RABGAP1L: variants seen among roughly 807,000 people sequenced by gnomAD.
RABGAP1L encodes the protein RAB GTPase activating protein 1 like.
RABGAP1L carries 63 observed loss-of-function variants against 137.7 expected under a neutral mutation model. That is an observed-to-expected ratio of 0.46 (90% CI 0.37 to 0.56). The LOEUF (loss-of-function observed/expected upper bound fraction) is 0.56. Ranked by LOEUF, RABGAP1L falls within the 20% of genes least tolerant of loss-of-function variation. The pLI is 0.00. For missense variants in RABGAP1L, 1,095 were observed against 1,244.0 expected, an observed-to-expected ratio of 0.88 and a Z score of 1.80; for synonymous variants, 431 against 433.7, an observed-to-expected ratio of 0.99 and a Z score of 0.08.
At chr1:174,483,035 C>A (rs1470485923) in intron 13 of RABGAP1L, among the ~76,000 whole-genome samples, 1 of 152,024 alleles carries the variant, frequency 6.6e-6, no homozygotes, top group Non-Finnish European at 1.5e-5. Flanking sequence ...TTATGGATTA[C>A]ATGAGATATT....
chr1:174,289,370 G>T (rs1676367932), intron 10 of RABGAP1L, among the ~76,000 whole-genome samples: 1 of 152,114 alleles, frequency 6.6e-6, no homozygotes, highest in African/African-American at 2.4e-5. Context: ...TTATTACTTT[G>T]TTGAACTTAT....
At chr1:174,570,680 A>G (rs1383506333) in intron 13 of RABGAP1L, among the ~76,000 whole-genome samples, 1 of 152,158 alleles carries the variant, frequency 6.6e-6, no homozygotes, top group Non-Finnish European at 1.5e-5. Flanking sequence ...AAAAGTTGAA[A>G]TTATAAAAAA....
chr1:174,559,887 G>C (rs1667097377), intron 13 of RABGAP1L, among the ~76,000 whole-genome samples: 1 of 152,192 alleles, frequency 6.6e-6, no homozygotes, highest in Non-Finnish European at 1.5e-5. Context: ...TGTAATCTCA[G>C]CACTTTGGGA....
intron 13 of RABGAP1L, among the ~76,000 whole-genome samples, chr1:174,503,470 G>T (rs771289809): frequency 5.3e-5 from 8 of 151,936 alleles, no homozygotes; most frequent in Non-Finnish European, 7.4e-5. Flanking sequence ...GACCATCTTG[G>T]CTAACACAGT....
At chr1:174,905,117 C>A (rs1658827405) in intron 19 of RABGAP1L, among the ~76,000 whole-genome samples, 1 of 152,056 alleles carries the variant, frequency 6.6e-6, no homozygotes, top group South Asian at 2.1e-4. Flanking sequence ...AGGAAGTGAC[C>A]TAGTAGTAAA....
chr1:174,585,579 T>G (rs1269713104), intron 13 of RABGAP1L, among the ~76,000 whole-genome samples: 1 of 152,250 alleles, frequency 6.6e-6, no homozygotes, highest in Non-Finnish European at 1.5e-5. Flanking sequence ...ATTTTTCCCA[T>G]TATGAGTACT....
At chr1:174,162,676 C>G (rs1018484854) in intron 1 of RABGAP1L, among the ~76,000 whole-genome samples, 1 of 145,016 alleles carries the variant, frequency 6.9e-6, no homozygotes, top group East Asian at 2.1e-4. Context: ...TTTTATAACT[C>G]TTGACTTATA....
In RABGAP1L at chr1:174,699,533, G is replaced by A; in HGVS notation, c.1908G>A (p.Glu636=). 1 of 1,612,282 alleles carries A rather than the reference G, an allele frequency of 6.2e-7. No homozygotes were observed. Among genetic ancestry groups the A allele is most frequent in the African/African-American group, 1.3e-5 (1 of 74,980 alleles). ...LAAVLLLHMP[E]EQAFCVLVKI... is the part of the protein sequence containing the mutation. The stretch of plus-strand genomic sequence containing the variant: ...TATATATTTTTCTGTAGATGCCAGA[G>A]GAACAAGCATTCTGTGTTTTGGTGA... The change falls in exon 16 of 26, where the codon GAG becomes GAA. Residue 636 remains glutamate, a synonymous_variant. Transcript: ENST00000681986.
chr1:174,252,481 C>T lies in RABGAP1L; in HGVS notation c.877C>T (p.Pro293Ser), dbSNP rs1558072588. 2 of 1,610,534 alleles carry T rather than the reference C, an allele frequency of 1.2e-6. No homozygotes were observed. The highest frequency in any genetic ancestry group is 1.7e-6 in the Non-Finnish European group (2 of 1,178,808). ...KEDDGKGNFS[P>S]VPKDRDKFYF... ...TCCTATTCCTTTTGAATATTTCAGC[C>T]CTGTGCCTAAGGATAGAGATAAATT... The change falls in exon 7 of 26, where the codon CCT (proline) becomes TCT (serine). Residue 293 changes from proline to serine, a missense_variant and splice_region_variant. Around this residue, in one of 4 missense-constraint regions of RABGAP1L, gnomAD observed 112 missense variants for 157.3 expected, o/e 0.71. Transcript: ENST00000681986.
At chr1:174,612,172 G>A (rs1215466556) in intron 13 of RABGAP1L, among the ~76,000 whole-genome samples, 1 of 152,184 alleles carries the variant, frequency 6.6e-6, no homozygotes, top group African/African-American at 2.4e-5. Context: ...TGCCCATTCA[G>A]TATGATATTG....
At chr1:174,628,207 A>C (rs1673064929) in intron 13 of RABGAP1L, among the ~76,000 whole-genome samples, 1 of 152,164 alleles carries the variant, frequency 6.6e-6, no homozygotes, top group South Asian at 2.1e-4. Flanking sequence ...TCATAGAAAA[A>C]AGGGTAATTT....
At chr1:174,360,087 G>A (rs1384786326) in intron 11 of RABGAP1L, among the ~76,000 whole-genome samples, 1 of 152,050 alleles carries the variant, frequency 6.6e-6, no homozygotes, top group Non-Finnish European at 1.5e-5. Context: ...GCTAATCTAG[G>A]TTTTTATAGT....
At chr1:174,698,755 G>A (rs1679437537) in intron 15 of RABGAP1L, among the ~76,000 whole-genome samples, 1 of 152,028 alleles carries the variant, frequency 6.6e-6, no homozygotes, top group South Asian at 2.1e-4. Context: ...AAATCAAGAT[G>A]TATAACAATG....
chr1:174,387,061 T>C (rs1415782156), intron 12 of RABGAP1L, among the ~76,000 whole-genome samples: 1 of 152,236 alleles, frequency 6.6e-6, no homozygotes, highest in Non-Finnish European at 1.5e-5. Context: ...AGGCATCATC[T>C]TAGACTCTTA....
chr1:174,617,486 T>C (rs1671996829), intron 13 of RABGAP1L, among the ~76,000 whole-genome samples: 1 of 152,220 alleles, frequency 6.6e-6, no homozygotes. Context: ...TGTTATAGTC[T>C]CTCAGGAACA....
At chr1:174,301,098 G>C (rs1434167467) in intron 10 of RABGAP1L, among the ~76,000 whole-genome samples, 1 of 152,096 alleles carries the variant, frequency 6.6e-6, no homozygotes, top group Non-Finnish European at 1.5e-5. Context: ...CACTGTGACT[G>C]TGTATTCAAC....
At chr1:174,384,891 A>G (rs1386578876) in intron 12 of RABGAP1L, among the ~76,000 whole-genome samples, 1 of 152,196 alleles carries the variant, frequency 6.6e-6, no homozygotes, top group African/African-American at 2.4e-5. Context: ...GTAATTAATT[A>G]TCTTGTCTTA....
intron 12 of RABGAP1L, among the ~76,000 whole-genome samples, chr1:174,383,324 C>G (rs1345113110): frequency 6.6e-6 from 1 of 150,564 alleles, no homozygotes; most frequent in Non-Finnish European, 1.5e-5. Flanking sequence ...CCACCCAGTT[C>G]GAGCTTCCTG....
chr1:174,708,934 C>G (rs746590766), intron 17 of RABGAP1L, among the ~76,000 whole-genome samples: 1 of 152,200 alleles, frequency 6.6e-6, no homozygotes, highest in Non-Finnish European at 1.5e-5. Context: ...TTGAAATTCT[C>G]ACTGCCAGCA....
Sources: gnomAD v4.1 joint callset for allele counts (sites outside exome capture counted in the v4.1 genomes callset) on GRCh38, gnomAD v4.1.1 for gene constraint, gnomAD v4.1.1 regional missense constraint, MANE v1.5 for transcripts, NCBI Gene and HGNC (gene_info 2026-07-23, HGNC 2026-07-21) for gene names.